Variants in A2ML1 observed in about 807,000 individuals in gnomAD.
A2ML1 encodes alpha-2-macroglobulin-like protein 1.
Under a neutral mutation model 181.9 loss-of-function variants are expected in A2ML1, and 161 were observed. The ratio of observed to expected loss-of-function variants is 0.89; its 90% CI spans 0.78 to 1.01. The LOEUF (loss-of-function observed/expected upper bound fraction) is 1.01, where lower values mean the gene tolerates loss of function less well. A2ML1 is among the 50% of genes least tolerant of loss of function. A2ML1 has a pLI of 0.00. For missense variants in A2ML1, 1,670 were observed against 1,768.1 expected (o/e 0.94, Z 1.00); for synonymous variants, 663 against 666.8 (o/e 0.99, Z 0.09).
Position 8,843,317 on chromosome 12 carries a change from C to A in A2ML1, c.1432C>A (p.Pro478Thr). ...QEVLVDYYID[P>T]ADASPDQEIS... The stretch of plus-strand genomic sequence containing the variant: ...AGTGCTGGTGGATTATTACATCGAC[C>A]CGGCCGATGCAAGCCCTGACCAAGA... The change falls in exon 12 of 36, where the codon CCG becomes ACG. Residue 478 changes from proline (P) to threonine (T), a missense_variant. Physicochemically the swap from Pro to Thr is conservative, Grantham distance 38. Transcript: ENST00000299698. The A allele has an allele frequency of 6.2e-7, 1 of 1,613,804 alleles. No individual in the cohort carries two copies. Among genetic ancestry groups the A allele is most frequent in the South Asian group, 1.1e-5 (1 of 91,076 alleles).
At chr12:8,882,675 A>T (rs978289896) in intron 7 of A2ML1, among the ~76,000 whole-genome samples, 1 of 152,086 alleles carries the variant, frequency 6.6e-6, no homozygotes, top group African/African-American at 2.4e-5. Context: ...GCTATTTAAA[A>T]TCTGGGCCAG....
At chr12:8,834,436 G>C (rs963463522) in intron 4 of A2ML1, among the ~76,000 whole-genome samples, 2 of 152,270 alleles carry the variant, frequency 1.3e-5, no homozygotes, top group East Asian at 3.9e-4. Flanking sequence ...ATTCCTTTGA[G>C]ATTCCTGCCC....
In A2ML1 at chr12:8,842,465, C is replaced by T. The variant is rs769112657; in HGVS notation, c.1249-669C>T. The stretch of plus-strand genomic sequence containing the variant: ...CGATCTCCTGACCTCGTGATCCGCC[C>T]GCCTTGGCCTCCCAAAGTGCTGGGA... On this transcript the variant is annotated intron_variant, in intron 11 of 35. Transcript: ENST00000299698. Among the ~76,000 whole-genome samples, 9 of 152,156 alleles carry T rather than the reference C, an allele frequency of 5.9e-5. No homozygotes were observed. In the East Asian group the frequency reaches 7.7e-4, roughly 13 times the overall value.
rs1944739727 is a variant in A2ML1, at chr12:8,874,547, A to G, written c.4324+20A>G. The G allele has an allele frequency of 3.2e-6, 5 of 1,577,304 alleles. No individual in the cohort carries two copies. The highest frequency in any genetic ancestry group is 4.4e-6 in the Non-Finnish European group (5 of 1,147,058). On this transcript the variant is annotated intron_variant, in intron 34 of 35. Coordinates refer to ENST00000299698, the MANE Select transcript of A2ML1 (RefSeq NM_144670.6). ...TACCAGGTGAGAGGGCTGAGCTGAAATGAGATCTGAGATCTTACCTGCATC... is the reference window on the plus strand; with the variant it reads ...TACCAGGTGAGAGGGCTGAGCTGAAGTGAGATCTGAGATCTTACCTGCATC...
chr12:8,872,966 T>C (rs1220889892), intron 33 of A2ML1, among the ~76,000 whole-genome samples: 1 of 152,132 alleles, frequency 6.6e-6, no homozygotes, highest in Non-Finnish European at 1.5e-5. Flanking sequence ...CTCTGATAAC[T>C]CTCCTGTATA....
At chr12:8,851,423 T>C (rs892702208) in intron 18 of A2ML1, among the ~76,000 whole-genome samples, 4 of 152,012 alleles carry the variant, frequency 2.6e-5, no homozygotes, top group Admixed American at 6.6e-5. Context: ...CTTTTTTTTT[T>C]TGGACAGGGT....
intron 4 of A2ML1, chr12:8,830,548 T>C (rs2136733674): frequency 6.6e-6 from 1 of 152,290 alleles, no homozygotes; most frequent in East Asian, 1.9e-4. Flanking sequence ...TAGCAACATT[T>C]TGCGAATATT....
intron 33 of A2ML1, among the ~76,000 whole-genome samples, chr12:8,874,194 T>G (rs1944722372): frequency 6.6e-6 from 1 of 151,912 alleles, no homozygotes; most frequent in Non-Finnish European, 1.5e-5. Flanking sequence ...TTTTGTATTT[T>G]TAGTAGAGAT....
At chr12:8,834,744 G>A in intron 5 of A2ML1, 62 bp downstream of exon 5, 1 of 1,602,646 alleles carries the variant, frequency 6.2e-7, no homozygotes, top group Non-Finnish European at 8.5e-7. Flanking sequence ...AGAATTTGGT[G>A]GTACACCTTG....
At chr12:8,828,395 C>G (rs7969068) in intron 3 of A2ML1, among the ~76,000 whole-genome samples, 113,629 of 152,000 alleles carry the variant, frequency 0.75, 43,663 homozygotes, top group East Asian at 0.99. Context: ...TCCAGGCCCA[C>G]AGGAGTACTG....
At chr12:8,842,165 G>T (rs1300232816) in intron 11 of A2ML1, among the ~76,000 whole-genome samples, 1 of 152,016 alleles carries the variant, frequency 6.6e-6, no homozygotes, top group East Asian at 1.9e-4. Flanking sequence ...AGGTGCAAGT[G>T]CAAAAGCTGA....
intron 31 of A2ML1, 65 bp downstream of exon 31, chr12:8,868,422 T>C (rs767191970): frequency 1.0e-5 from 15 of 1,441,794 alleles, no homozygotes; most frequent in South Asian, 3.8e-5. Context: ...GCTGGGACAC[T>C]TGTGTGTGTG....
chr12:8,880,172 T>C (rs1324106121), downstream of A2ML1, among the ~76,000 whole-genome samples: 1 of 151,458 alleles, frequency 6.6e-6, no homozygotes, highest in Non-Finnish European at 1.5e-5. Context: ...GAGACCAGCC[T>C]GGCCAATATG....
At chr12:8,846,028 A>C in intron 13 of A2ML1, 49 bp from the exon 14 acceptor site, 1 of 1,607,478 alleles carries the variant, frequency 6.2e-7, no homozygotes, top group South Asian at 1.1e-5. Context: ...TGCCGTTGGC[A>C]GGTGAATGTG....
chr12:8,844,973 T>G, intron 12 of A2ML1: 2 of 1,350,378 alleles, frequency 1.5e-6, no homozygotes, highest in South Asian at 2.1e-5. Flanking sequence ...AAGGGGGAGT[T>G]AGAAGAGGAG....
intron 7 of A2ML1, among the ~76,000 whole-genome samples, chr12:8,884,117 T>G (rs1381218075): frequency 6.6e-6 from 1 of 152,130 alleles, no homozygotes; most frequent in Non-Finnish European, 1.5e-5. Flanking sequence ...TCTTAGTGTG[T>G]GTGAAGTGGT....
chr12:8,823,964 C>A, intron 3 of A2ML1, 82 bp downstream of exon 3: 1 of 1,475,106 alleles, frequency 6.8e-7, no homozygotes, highest in Non-Finnish European at 9.0e-7. Context: ...TGTGGTTTGA[C>A]AGTAGGCTTT....
intron 7 of A2ML1, 136 bp downstream of exon 7, chr12:8,836,475 C>A: frequency 1.7e-6 from 1 of 583,170 alleles, no homozygotes; most frequent in South Asian, 2.2e-5. Flanking sequence ...ATGGCTTATC[C>A]AAGACCTTTT....
chr12:8,843,914 G>C (rs761906013), intron 12 of A2ML1, among the ~76,000 whole-genome samples: 2 of 151,978 alleles, frequency 1.3e-5, no homozygotes, highest in East Asian at 3.9e-4. Context: ...TAGAGACGGG[G>C]TTTCACCATG....
Sources: allele counts gnomAD v4.1 joint callset (sites outside exome capture counted in the v4.1 genomes callset), GRCh38; gene constraint gnomAD v4.1.1; transcripts MANE v1.5; gene names NCBI Gene and HGNC (gene_info 2026-07-23, HGNC 2026-07-21).